Variants in ZNG1B observed in about 807,000 individuals in gnomAD.
ZNG1B encodes Zn regulated GTPase metalloprotein activator 1B.
At chr2:113,475,286 G>C in the ZNG1B span, among the ~76,000 whole-genome samples, 1 of 151,650 alleles carries the variant, frequency 6.6e-6, no homozygotes, top group Middle Eastern at 3.2e-3. Context: ...TTGAAAGTCT[G>C]TTTTATCAGA....
chr2:113,467,063 C>CAA, the ZNG1B span, among the ~76,000 whole-genome samples: 131 of 63,160 alleles, frequency 2.1e-3, no homozygotes, highest in African/African-American at 6.5e-3. Context: ...GACTCTGTCT[C>CAA]AAAAAAAAAA....
the ZNG1B span, chr2:113,437,742 C>T: frequency 3.3e-6 from 5 of 1,518,474 alleles, no homozygotes; most frequent in African/African-American, 5.5e-5. Flanking sequence ...GCGGGATCAG[C>T]GAGCGTCGCG....
the ZNG1B span, among the ~76,000 whole-genome samples, chr2:113,454,341 A>C: frequency 6.6e-6 from 1 of 152,076 alleles, no homozygotes; most frequent in Admixed American, 6.5e-5. Context: ...TCTTAAGAAA[A>C]GTCTTGATTT....
At chr2:113,471,583 T>G in the ZNG1B span, among the ~76,000 whole-genome samples, 1 of 151,868 alleles carries the variant, frequency 6.6e-6, no homozygotes, top group Non-Finnish European at 1.5e-5. Context: ...CTGCACCCAC[T>G]GACTCGTCAT....
chr2:113,474,709 A>C, the ZNG1B span, among the ~76,000 whole-genome samples: 1 of 151,044 alleles, frequency 6.6e-6, no homozygotes, highest in Non-Finnish European at 1.5e-5. Context: ...CGTTGGTTTC[A>C]AAGAACATCT....
At chr2:113,459,991 T>C in the ZNG1B span, among the ~76,000 whole-genome samples, 1 of 143,076 alleles carries the variant, frequency 7.0e-6, no homozygotes, top group Non-Finnish European at 1.5e-5. Context: ...TTTTTTGGAG[T>C]TAGCCTGACT....
the ZNG1B span, among the ~76,000 whole-genome samples, chr2:113,492,100 A>G: frequency 7.2e-6 from 1 of 139,358 alleles, no homozygotes; most frequent in African/African-American, 2.6e-5. Flanking sequence ...AAGAACTAAA[A>G]GTAGAACTAT....
chr2:113,475,303 G>T, the ZNG1B span, among the ~76,000 whole-genome samples: 5 of 151,874 alleles, frequency 3.3e-5, no homozygotes, highest in Non-Finnish European at 5.9e-5. Flanking sequence ...CAGAGACTAG[G>T]ATTGCAACCC....
the ZNG1B span, chr2:113,453,020 C>G: frequency 6.9e-7 from 1 of 1,456,076 alleles, no homozygotes. Context: ...ACTATAATTT[C>G]CATAAGAAGA....
chr2:113,453,112 T>C, the ZNG1B span: 12 of 1,563,138 alleles, frequency 7.7e-6, no homozygotes, highest in Non-Finnish European at 9.5e-6. Context: ...GAAATATTTT[T>C]ATTTGATGAA....
At chr2:113,460,584 A>G in the ZNG1B span, 5 of 1,424,182 alleles carry the variant, frequency 3.5e-6, no homozygotes, top group Non-Finnish European at 4.8e-6. Context: ...ATTAGATGCA[A>G]GAAAATGTCT....
the ZNG1B span, among the ~76,000 whole-genome samples, chr2:113,460,520 A>G: frequency 6.6e-6 from 1 of 152,236 alleles, no homozygotes; most frequent in South Asian, 2.1e-4. Flanking sequence ...GCTTTTAGCT[A>G]GAAAAGTTAG....
chr2:113,472,515 T>C, the ZNG1B span, among the ~76,000 whole-genome samples: 1 of 151,978 alleles, frequency 6.6e-6, no homozygotes, highest in Non-Finnish European at 1.5e-5. Context: ...CAATTTTGGC[T>C]TTTGTTGCCA....
the ZNG1B span, chr2:113,469,996 T>A: frequency 6.7e-6 from 1 of 149,692 alleles, no homozygotes; most frequent in African/African-American, 2.5e-5. Context: ...CTGTTCTTTT[T>A]TTTTTTTTTT....
At chr2:113,489,063 G>A in the ZNG1B span, among the ~76,000 whole-genome samples, 37 of 151,342 alleles carry the variant, frequency 2.4e-4, no homozygotes, top group African/African-American at 8.1e-4. Flanking sequence ...GCACATTGTC[G>A]TCAGGTTATC....
At chr2:113,471,643 C>T in the ZNG1B span, among the ~76,000 whole-genome samples, 1 of 145,332 alleles carries the variant, frequency 6.9e-6, no homozygotes, top group Admixed American at 6.9e-5. Flanking sequence ...TCCCCCCAAC[C>T]CACAACAGTC....
At chr2:113,461,398 T>C in the ZNG1B span, among the ~76,000 whole-genome samples, 1 of 152,046 alleles carries the variant, frequency 6.6e-6, no homozygotes, top group Non-Finnish European at 1.5e-5. Context: ...TAAGTATTTT[T>C]GTAACTTTTT....
the ZNG1B span, chr2:113,454,874 C>A: frequency 7.3e-7 from 1 of 1,377,294 alleles, no homozygotes; most frequent in South Asian, 1.2e-5. Context: ...CTGAAATTTT[C>A]TTTAACAAAA....
chr2:113,488,473 A>C, the ZNG1B span, among the ~76,000 whole-genome samples: 2 of 152,270 alleles, frequency 1.3e-5, no homozygotes, highest in Admixed American at 6.5e-5. Flanking sequence ...AACACCCCCC[A>C]AAAAATCACA....
Sources: allele counts gnomAD v4.1 joint callset (sites outside exome capture counted in the v4.1 genomes callset), GRCh38; gene constraint gnomAD v4.1.1; transcripts MANE v1.5; gene names NCBI Gene and HGNC (gene_info 2026-07-23, HGNC 2026-07-21).